Variants in CSNK2A2IP observed in about 807,000 individuals in gnomAD.
CSNK2A2IP encodes the protein casein kinase II subunit alpha'-interacting protein.
chr3:88,370,711 C>G, the CSNK2A2IP span, among the ~76,000 whole-genome samples: 1 of 151,210 alleles, frequency 6.6e-6, no homozygotes, highest in Admixed American at 6.6e-5. Flanking sequence ...ACTTTCACAT[C>G]TGTTATGGAT....
the CSNK2A2IP span, among the ~76,000 whole-genome samples, chr3:88,348,345 A>C: frequency 1.3e-3 from 194 of 152,162 alleles, 2 homozygotes; most frequent in African/African-American, 4.3e-3. Context: ...ATCAAGTGAG[A>C]CACTCATCTT....
chr3:88,444,180 T>C, the CSNK2A2IP span, among the ~76,000 whole-genome samples: 1 of 152,100 alleles, frequency 6.6e-6, no homozygotes, highest in Non-Finnish European at 1.5e-5. Context: ...TGCTTTTTCT[T>C]GGGATGACTT....
At chr3:88,414,756 T>C in the CSNK2A2IP span, among the ~76,000 whole-genome samples, 3 of 151,882 alleles carry the variant, frequency 2.0e-5, no homozygotes, top group Non-Finnish European at 2.9e-5. Flanking sequence ...AATGAGATGA[T>C]GAATGCATAG....
chr3:88,409,445 T>C, the CSNK2A2IP span, among the ~76,000 whole-genome samples: 1 of 152,050 alleles, frequency 6.6e-6, no homozygotes, highest in Non-Finnish European at 1.5e-5. Context: ...ACCAGCTGCC[T>C]CTGTTACATG....
the CSNK2A2IP span, among the ~76,000 whole-genome samples, chr3:88,442,296 T>A: frequency 2.0e-5 from 3 of 152,178 alleles, no homozygotes; most frequent in African/African-American, 4.8e-5. Flanking sequence ...TGCCTCAATT[T>A]CCTTGTGAGC....
chr3:88,368,938 C>G, the CSNK2A2IP span, among the ~76,000 whole-genome samples: 1 of 152,024 alleles, frequency 6.6e-6, no homozygotes, highest in African/African-American at 2.4e-5. Context: ...TTCCTCAAAT[C>G]TTCCAAATGA....
chr3:88,347,360 A>T, the CSNK2A2IP span, among the ~76,000 whole-genome samples: 1 of 152,074 alleles, frequency 6.6e-6, no homozygotes, highest in Non-Finnish European at 1.5e-5. Context: ...ACAACACTGC[A>T]TGCTACAGAG....
the CSNK2A2IP span, among the ~76,000 whole-genome samples, chr3:88,434,987 G>A: frequency 2.4e-4 from 37 of 152,102 alleles, no homozygotes; most frequent in African/African-American, 3.6e-4. Context: ...CCCTGCCCCC[G>A]CAAAGGCTCT....
At chr3:88,347,928 G>A in the CSNK2A2IP span, among the ~76,000 whole-genome samples, 1 of 151,756 alleles carries the variant, frequency 6.6e-6, no homozygotes, top group East Asian at 1.9e-4. Flanking sequence ...TTTATTCTTA[G>A]TATTTTGTTC....
chr3:88,427,769 G>A, the CSNK2A2IP span, among the ~76,000 whole-genome samples: 6 of 152,130 alleles, frequency 3.9e-5, no homozygotes, highest in African/African-American at 1.2e-4. Context: ...AAGGACGTCC[G>A]GTTTTATACC....
chr3:88,421,138 T>C, the CSNK2A2IP span, among the ~76,000 whole-genome samples: 1,614 of 152,252 alleles, frequency 0.011, 29 homozygotes, highest in African/African-American at 0.035. Context: ...CAGGTTTGCA[T>C]AACATTCTTT....
At chr3:88,431,128 C>A in the CSNK2A2IP span, 1 of 152,106 alleles carries the variant, frequency 6.6e-6, no homozygotes, top group Admixed American at 6.6e-5. Flanking sequence ...AAATTAAATT[C>A]CAGGATAACA....
At chr3:88,418,056 C>A in the CSNK2A2IP span, among the ~76,000 whole-genome samples, 78,536 of 151,848 alleles carry the variant, frequency 0.52, 20,695 homozygotes, top group East Asian at 0.76. Context: ...GTGATTATGT[C>A]TGAACATTAT....
the CSNK2A2IP span, among the ~76,000 whole-genome samples, chr3:88,385,122 G>T: frequency 1.3e-5 from 2 of 152,182 alleles, no homozygotes; most frequent in Non-Finnish European, 2.9e-5. Flanking sequence ...CCTTGGGAGA[G>T]AGTATAAGAC....
the CSNK2A2IP span, among the ~76,000 whole-genome samples, chr3:88,450,202 T>C: frequency 6.6e-6 from 1 of 152,000 alleles, no homozygotes; most frequent in Admixed American, 6.6e-5. Flanking sequence ...TTATTGTGCA[T>C]ATTTAAGGTA....
the CSNK2A2IP span, among the ~76,000 whole-genome samples, chr3:88,376,614 A>T: frequency 1.3e-5 from 2 of 151,412 alleles, no homozygotes; most frequent in African/African-American, 2.4e-5. Flanking sequence ...TACATTCACT[A>T]TTTTTTTTCA....
chr3:88,443,693 C>T, the CSNK2A2IP span, among the ~76,000 whole-genome samples: 1 of 152,168 alleles, frequency 6.6e-6, no homozygotes, highest in Non-Finnish European at 1.5e-5. Flanking sequence ...GTGTAGACTG[C>T]AGGGCCAGCT....
chr3:88,403,785 C>A, the CSNK2A2IP span, among the ~76,000 whole-genome samples: 1 of 152,050 alleles, frequency 6.6e-6, no homozygotes, highest in Non-Finnish European at 1.5e-5. Flanking sequence ...CAAATGATAG[C>A]ATAATTCTAA....
the CSNK2A2IP span, among the ~76,000 whole-genome samples, chr3:88,451,040 C>A: frequency 6.6e-6 from 1 of 151,972 alleles, no homozygotes; most frequent in African/African-American, 2.4e-5. Context: ...TGATAATATC[C>A]ATCTTAACAA....
Sources: allele counts gnomAD v4.1 joint callset (sites outside exome capture counted in the v4.1 genomes callset), GRCh38; gene constraint gnomAD v4.1.1; transcripts MANE v1.5; gene names NCBI Gene and HGNC (gene_info 2026-07-23, HGNC 2026-07-21).